The following MYT1L variants were observed in gnomAD, a reference collection of about 807,000 sequenced individuals.
The protein encoded by MYT1L is myelin transcription factor 1 like.
Under a neutral mutation model 126.7 loss-of-function variants are expected in MYT1L, and 12 were observed. That is an observed-to-expected ratio of 0.09 (90% CI 0.06 to 0.15). The LOEUF (loss-of-function observed/expected upper bound fraction) is 0.15. Ranked by LOEUF, MYT1L falls within the 10% of genes least tolerant of loss-of-function variation. The probability of loss-of-function intolerance (pLI) is 1.00; values close to 1 mark genes in which losing one functional copy is unlikely to be tolerated. For synonymous variants in MYT1L, 541 were observed against 604.2 expected (o/e 0.90, Z 1.53); for missense variants, 979 against 1,585.2 (o/e 0.62, Z 6.49).
chr2:2,254,186 A>G (rs1029582517), intron 2 of MYT1L, among the ~76,000 whole-genome samples: 1 of 152,212 alleles, frequency 6.6e-6, no homozygotes, highest in Non-Finnish European at 1.5e-5. Flanking sequence ...AAGAGTTTGC[A>G]TATATTTGTC....
chr2:2,186,356 C>G (rs551635223), intron 2 of MYT1L, among the ~76,000 whole-genome samples: 2 of 152,146 alleles, frequency 1.3e-5, no homozygotes, highest in South Asian at 2.1e-4. Flanking sequence ...CGGGCCTTCC[C>G]GAGTCCTGCG....
Position 1,811,362 on chromosome 2 carries a change from G to C in MYT1L, c.3081-2195C>G, listed in dbSNP as rs1331958677. On this transcript the variant is annotated intron_variant, in intron 21 of 24. Coordinates refer to ENST00000647738, the MANE Select transcript of MYT1L (RefSeq NM_001303052.2). This position sits in a 1 kb window ranked among gnomAD's most constrained non-coding sequence, Gnocchi z 4.4. ...GGGGACTTTAACCCCAGCGTCATCA[G>C]CTCCAGCATCATCAGCTCTGGCGTC... The C allele has an allele frequency of 6.6e-6, 1 of 152,584 alleles. No homozygotes were observed. The allele number at this position is 152,584 out of a possible 1,614,324, so 9.5% of individuals were successfully genotyped here.
intron 1 of MYT1L, among the ~76,000 whole-genome samples, chr2:2,317,342 A>T (rs1419999687): frequency 6.6e-6 from 1 of 152,146 alleles, no homozygotes; most frequent in Non-Finnish European, 1.5e-5. Context: ...AGCTACTGTT[A>T]CACAGTAATG....
At chr2:1,998,149 G>C (rs886937472) in intron 4 of MYT1L, among the ~76,000 whole-genome samples, 4 of 152,178 alleles carry the variant, frequency 2.6e-5, no homozygotes, top group Admixed American at 2.0e-4. Context: ...GGAGCCTTGG[G>C]TGGTGGCATT....
intron 22 of MYT1L, among the ~76,000 whole-genome samples, chr2:1,802,371 G>C (rs972818261): frequency 6.6e-6 from 1 of 152,228 alleles, no homozygotes; most frequent in Admixed American, 6.5e-5. Flanking sequence ...CCGACAGGAA[G>C]CTGTGGGAAG....
At chr2:2,282,865 A>C (rs1474320380) in intron 2 of MYT1L, among the ~76,000 whole-genome samples, 1 of 152,240 alleles carries the variant, frequency 6.6e-6, no homozygotes, top group Non-Finnish European at 1.5e-5. Context: ...ACTTGAGGTC[A>C]GGAGTTGGAG....
At chr2:2,055,076 T>C (rs575961216) in intron 3 of MYT1L, among the ~76,000 whole-genome samples, 1 of 152,328 alleles carries the variant, frequency 6.6e-6, no homozygotes, top group Admixed American at 6.5e-5. Context: ...AAAAACCTTT[T>C]AAGAAAATTA....
At chr2:2,154,231 C>T in intron 3 of MYT1L, among the ~76,000 whole-genome samples, 1 of 152,104 alleles carries the variant, frequency 6.6e-6, no homozygotes, top group East Asian at 1.9e-4. Context: ...GTTTCTTAGT[C>T]CCAGGATTTG....
At chr2:2,070,906 T>C (rs1453956022) in intron 3 of MYT1L, among the ~76,000 whole-genome samples, 1 of 152,186 alleles carries the variant, frequency 6.6e-6, no homozygotes, top group Non-Finnish European at 1.5e-5. Flanking sequence ...GCATTCCTAA[T>C]GACCTATTTT....
rs562476687 is a variant in MYT1L, at chr2:2,068,820, G to A, written c.-303-14697C>T. 5.8e-5 allele frequency among the ~76,000 whole-genome samples: 7 copies of A among 120,196 alleles called. No homozygotes were observed. The East Asian group carries it at 2.0e-3, about 34-fold the overall frequency. 78.9% of individuals were successfully genotyped at this position (120,196 alleles called of 152,430 possible). A position where few individuals can be genotyped will look rare whatever the true frequency, so the allele number is the denominator to read the frequency against. ...TTTTCATATGTATAAGTTCAAGTAT[G>A]TGGAGGAAAAAGAGAGAAAGGGAGG... On this transcript the variant is annotated intron_variant, in intron 3 of 24. Coordinates refer to ENST00000647738, the MANE Select transcript of MYT1L (RefSeq NM_001303052.2).
intron 2 of MYT1L, among the ~76,000 whole-genome samples, chr2:2,283,714 C>T (rs1469203139): frequency 3.3e-5 from 5 of 152,168 alleles, no homozygotes; most frequent in Non-Finnish European, 5.9e-5. Context: ...CTCTTTCATG[C>T]AGCTGAAAAT....
chr2:2,254,421 CTG>C (rs758394364), intron 2 of MYT1L, among the ~76,000 whole-genome samples: 3 of 152,150 alleles, frequency 2.0e-5, no homozygotes, highest in Admixed American at 6.5e-5. Flanking sequence ...CCTCAGGAGA[CTG>C]TGATGGGACA....
intron 3 of MYT1L, among the ~76,000 whole-genome samples, chr2:2,106,666 T>C (rs144912757): frequency 8.0e-4 from 122 of 152,204 alleles, no homozygotes; most frequent in African/African-American, 2.9e-3. Flanking sequence ...TTCATCTCCA[T>C]GAGGGAAGTC....
At chr2:2,109,315 C>T (rs984069688) in intron 3 of MYT1L, among the ~76,000 whole-genome samples, 6 of 152,192 alleles carry the variant, frequency 3.9e-5, no homozygotes, top group Non-Finnish European at 5.9e-5. Context: ...AGTCCCACTC[C>T]CTGACAGCGG....
At chr2:1,857,010 A>C (rs2044001789) in intron 18 of MYT1L, among the ~76,000 whole-genome samples, 1 of 152,242 alleles carries the variant, frequency 6.6e-6, no homozygotes, top group Non-Finnish European at 1.5e-5. Context: ...CATCACCTGC[A>C]GAGCAAGTGC....
chr2:1,933,446 C>T (rs558888944), intron 9 of MYT1L, among the ~76,000 whole-genome samples: 3 of 152,190 alleles, frequency 2.0e-5, no homozygotes, highest in African/African-American at 7.2e-5. Flanking sequence ...TTGTTAATGT[C>T]GCTTCACTTT....
chr2:2,303,038 G>C (rs758505689), intron 1 of MYT1L, among the ~76,000 whole-genome samples: 37 of 151,980 alleles, frequency 2.4e-4, no homozygotes, highest in Non-Finnish European at 4.4e-4. Context: ...AGTCAATCAG[G>C]CTCCATTTTT....
rs139460801 is a variant in MYT1L at position 2,200,592 on chromosome 2, G to A, written c.-420-27604C>T. On this transcript the variant is annotated intron_variant, in intron 2 of 24. Coordinates refer to ENST00000647738, the MANE Select transcript of MYT1L (RefSeq NM_001303052.2). ...TCTGCAAAATCCCTGTGTCCTGTAA[G>A]ATGACATATTCACCGGTTCCAGGAA... Among the ~76,000 whole-genome samples the A allele has an allele frequency of 4.5e-3, 681 of 152,292 alleles. 4 individuals are homozygous for A. The highest frequency in any genetic ancestry group is 0.015 in the African/African-American group (639 of 41,554).
chr2:1,833,053 G>C (rs1488291914), intron 21 of MYT1L, among the ~76,000 whole-genome samples: 1 of 152,226 alleles, frequency 6.6e-6, no homozygotes, highest in African/African-American at 2.4e-5. Context: ...CGGCGGCTTA[G>C]GGGGAGGGTG....
Sources: gnomAD v4.1 joint callset for allele counts (sites outside exome capture counted in the v4.1 genomes callset) on GRCh38, gnomAD v4.1.1 for gene constraint, Gnocchi (gnomAD v3.1) non-coding constraint, MANE v1.5 for transcripts, NCBI Gene and HGNC (gene_info 2026-07-23, HGNC 2026-07-21) for gene names.